Variants in SLIT3 observed in about 807,000 individuals in gnomAD.
SLIT3 encodes slit guidance ligand 3.
SLIT3 carries 68 observed loss-of-function variants against 184.0 expected under a neutral mutation model. The observed-to-expected ratio is 0.37, with a 90% confidence interval of 0.30 to 0.45. The LOEUF (loss-of-function observed/expected upper bound fraction) is 0.45. Ranked by LOEUF, SLIT3 falls within the 20% of genes least tolerant of loss-of-function variation. The pLI, the probability that SLIT3 is intolerant of heterozygous loss-of-function variation, is 1.00. For missense variants in SLIT3, 1,707 were observed against 2,026.0 expected, an observed-to-expected ratio of 0.84 and a Z score of 3.02; for synonymous variants, 831 against 828.6, an observed-to-expected ratio of 1.00 and a Z score of -0.05.
intron 4 of SLIT3, among the ~76,000 whole-genome samples, chr5:169,048,244 G>A (rs1191465727): frequency 6.6e-6 from 1 of 152,196 alleles, no homozygotes; most frequent in East Asian, 1.9e-4. Flanking sequence ...CCAAGCCTCA[G>A]ATTTCCTCAT....
intron 8 of SLIT3, among the ~76,000 whole-genome samples, chr5:168,815,537 T>C (rs1053723545): frequency 3.9e-5 from 6 of 152,234 alleles, no homozygotes; most frequent in Admixed American, 6.5e-5. Context: ...TTATAGTCAC[T>C]ATATTTGAAG....
chr5:169,069,203 C>A (rs1385193308), intron 4 of SLIT3, among the ~76,000 whole-genome samples: 2 of 152,244 alleles, frequency 1.3e-5, no homozygotes, highest in Non-Finnish European at 2.9e-5. Flanking sequence ...AGGGGGCACA[C>A]AACTCCTCAG....
intron 23 of SLIT3, chr5:168,721,015 T>C (rs1444644528): frequency 6.6e-6 from 1 of 152,158 alleles, no homozygotes; most frequent in Non-Finnish European, 1.5e-5. Context: ...TGGGCCTCAG[T>C]TTCTCCATGT....
chr5:169,115,960 A>T (rs939157748), intron 4 of SLIT3, among the ~76,000 whole-genome samples: 4 of 152,166 alleles, frequency 2.6e-5, no homozygotes, highest in African/African-American at 7.2e-5. Context: ...CCCTTAGGGT[A>T]GATACTCTAT....
At chr5:168,993,534 A>G (rs1031139552) in intron 4 of SLIT3, among the ~76,000 whole-genome samples, 1 of 152,270 alleles carries the variant, frequency 6.6e-6, no homozygotes, top group Non-Finnish European at 1.5e-5. Context: ...TGTGGGCTCA[A>G]TGTGCTCCCA....
intron 5 of SLIT3, among the ~76,000 whole-genome samples, chr5:168,873,578 C>T (rs1225770444): frequency 1.3e-5 from 2 of 152,036 alleles, no homozygotes; most frequent in Non-Finnish European, 2.9e-5. Context: ...TGCAGTAAGC[C>T]AAGGTCCTGC....
chr5:168,953,766 C>T lies in SLIT3; in HGVS notation c.414-70430G>A, dbSNP rs148016570. 1.4e-3 allele frequency among the ~76,000 whole-genome samples: 217 copies of T among 152,300 alleles called. 1 individual carries two copies. Among genetic ancestry groups the T allele is most frequent in the African/African-American group, 5.0e-3 (207 of 41,556 alleles). On this transcript the variant is annotated intron_variant, in intron 4 of 35. Coordinates refer to ENST00000519560, the MANE Select transcript of SLIT3 (RefSeq NM_003062.4). ...TAGGCGCTGAAAGCATATTCTCACC[C>T]ACACTCTCTTTTGGGCTCCATAATT...
chr5:169,242,718 G>T (rs1156499962), intron 3 of SLIT3, among the ~76,000 whole-genome samples: 1 of 152,094 alleles, frequency 6.6e-6, no homozygotes, highest in Admixed American at 6.6e-5. Flanking sequence ...AGATTTGAGG[G>T]TTTATCTAGC....
intron 4 of SLIT3, among the ~76,000 whole-genome samples, chr5:168,937,167 G>A (rs1762185026): frequency 6.6e-6 from 1 of 152,092 alleles, no homozygotes; most frequent in Non-Finnish European, 1.5e-5. Context: ...CAGCGTACTG[G>A]AGGGGTAGGG....
intron 5 of SLIT3, among the ~76,000 whole-genome samples, chr5:168,869,809 G>A (rs956210784): frequency 6.6e-6 from 1 of 152,222 alleles, no homozygotes; most frequent in Non-Finnish European, 1.5e-5. Context: ...AGTTTTCCTG[G>A]CAGACACAGT....
At chr5:169,156,786 T>TGAATTAA (rs1762321145) in intron 4 of SLIT3, among the ~76,000 whole-genome samples, 2 of 152,228 alleles carry the variant, frequency 1.3e-5, no homozygotes, top group African/African-American at 4.8e-5. Flanking sequence ...TGCTTTTGCT[T>TGAATTAA]ATTCATCACA....
At chr5:169,176,428 C>T (rs1044664361) in intron 4 of SLIT3, among the ~76,000 whole-genome samples, 7 of 152,144 alleles carry the variant, frequency 4.6e-5, no homozygotes, top group African/African-American at 1.7e-4. Flanking sequence ...CTAATACTTA[C>T]TAGCCACCAG....
chr5:169,177,965 G>A (rs775466384), intron 4 of SLIT3, among the ~76,000 whole-genome samples: 18 of 152,190 alleles, frequency 1.2e-4, no homozygotes, highest in East Asian at 5.8e-4. Flanking sequence ...TCACTCTCAC[G>A]TGAGGTTTGT....
At chr5:168,800,188 A>G (rs1184782784) in intron 9 of SLIT3, among the ~76,000 whole-genome samples, 2 of 152,226 alleles carry the variant, frequency 1.3e-5, no homozygotes, top group African/African-American at 2.4e-5. Context: ...AAGAAGGCTA[A>G]AAAGGAAGGT....
intron 4 of SLIT3, among the ~76,000 whole-genome samples, chr5:168,895,841 ATAAT>A (rs1207352342): frequency 2.2e-5 from 3 of 139,182 alleles, no homozygotes; most frequent in Admixed American, 7.7e-5. Flanking sequence ...GTTAACACTA[ATAAT>A]TAATCCCAGA....
At chr5:168,829,763 C>T (rs1757820363) in intron 6 of SLIT3, among the ~76,000 whole-genome samples, 2 of 152,230 alleles carry the variant, frequency 1.3e-5, no homozygotes, top group Non-Finnish European at 1.5e-5. Flanking sequence ...TGAAGAGCAG[C>T]TGAGAGTATA....
At chr5:169,007,498 T>A (rs1755979681) in intron 4 of SLIT3, among the ~76,000 whole-genome samples, 1 of 152,212 alleles carries the variant, frequency 6.6e-6, no homozygotes, top group African/African-American at 2.4e-5. Context: ...TAAAATAAGA[T>A]TAGGTTGAAA....
chr5:169,248,114 A>G (rs114331193), intron 2 of SLIT3, among the ~76,000 whole-genome samples: 4,858 of 152,138 alleles, frequency 0.032, 267 homozygotes, highest in African/African-American at 0.11. Context: ...AGCAGTCCCT[A>G]CTTTTGCCAG....
At chr5:168,973,076 T>C (rs1288076564) in intron 4 of SLIT3, among the ~76,000 whole-genome samples, 1 of 152,054 alleles carries the variant, frequency 6.6e-6, no homozygotes, top group African/African-American at 2.4e-5. Flanking sequence ...CAGCTTGTCC[T>C]TGAAGAGCCC....
Sources: gnomAD v4.1 joint callset for allele counts (sites outside exome capture counted in the v4.1 genomes callset) on GRCh38, gnomAD v4.1.1 for gene constraint, MANE v1.5 for transcripts, NCBI Gene and HGNC (gene_info 2026-07-23, HGNC 2026-07-21) for gene names.